Variants in IL17D observed in about 807,000 individuals in gnomAD.
The protein encoded by IL17D is interleukin 17D.
In IL17D, 10 loss-of-function variants were observed where a neutral mutation model predicts 5.7. The ratio of observed to expected loss-of-function variants is 1.75; its 90% confidence interval spans 1.08 to 2.97. The LOEUF is 2.97. Ranked by LOEUF, IL17D falls within the 30% of genes most tolerant of loss-of-function variation. The pLI, the probability that IL17D is intolerant of heterozygous loss-of-function variation, is 0.00. For synonymous variants in IL17D, 172 were observed against 141.7 expected, an observed-to-expected ratio of 1.21 and a Z score of -1.52; for missense variants, 354 against 292.7, an observed-to-expected ratio of 1.21 and a Z score of -1.53.
intron 1 of IL17D, among the ~76,000 whole-genome samples, chr13:20,717,843 G>A (rs2058689614): frequency 6.6e-6 from 1 of 152,110 alleles, no homozygotes; most frequent in Admixed American, 6.5e-5. Flanking sequence ...GCAGGGCTGC[G>A]CTGTATATTT....
chr13:20,703,101 C>T (rs1457339726), upstream of IL17D: 4 of 174,156 alleles, frequency 2.3e-5, no homozygotes, highest in Non-Finnish European at 3.4e-5. Flanking sequence ...CAGTCGGGCC[C>T]GCACCCGCGC....
intron 1 of IL17D, among the ~76,000 whole-genome samples, chr13:20,707,022 G>A (rs1000568853): frequency 2.6e-5 from 4 of 152,130 alleles, no homozygotes; most frequent in African/African-American, 9.7e-5. Context: ...CTGAAGGAAG[G>A]ACAGTCTTCA....
intron 1 of IL17D, among the ~76,000 whole-genome samples, chr13:20,707,101 G>C (rs893393197): frequency 4.6e-5 from 7 of 152,112 alleles, no homozygotes; most frequent in African/African-American, 1.7e-4. Flanking sequence ...TTCCTGCCAG[G>C]AGAGCCCTCT....
chr13:20,721,558 G>T (rs1357049316), intron 1 of IL17D, 78 bp from the exon 2 acceptor site: 2 of 1,284,990 alleles, frequency 1.6e-6, no homozygotes, highest in African/African-American at 1.5e-5. Context: ...GCCCTCCCCG[G>T]TGACTCTAAC....
At chr13:20,718,486 GC>G (rs1230620200) in intron 1 of IL17D, among the ~76,000 whole-genome samples, 1 of 103,264 alleles carries the variant, frequency 9.7e-6, no homozygotes, top group African/African-American at 3.8e-5. Flanking sequence ...GCTCACACCT[GC>G]CCCCACACAC....
At chr13:20,717,674 G>A (rs1009611391) in intron 1 of IL17D, among the ~76,000 whole-genome samples, 6 of 152,148 alleles carry the variant, frequency 3.9e-5, no homozygotes, top group African/African-American at 1.4e-4. Flanking sequence ...CCCCCTTAGC[G>A]GCACCTTCCC....
chr13:20,703,286 A>G (rs2058558748), upstream of IL17D: 1 of 986,230 alleles, frequency 1.0e-6, no homozygotes, highest in Non-Finnish European at 1.2e-6. Context: ...GCGAATCTGA[A>G]AGCGCTTTCG....
At chr13:20,714,824 C>T (rs1214970599) in intron 1 of IL17D, among the ~76,000 whole-genome samples, 2 of 152,288 alleles carry the variant, frequency 1.3e-5, no homozygotes, top group East Asian at 1.9e-4. Flanking sequence ...CTTGGCAGCA[C>T]ATATTGAAGA....
intron 1 of IL17D, among the ~76,000 whole-genome samples, chr13:20,720,333 A>G (rs1296628608): frequency 6.6e-6 from 1 of 151,336 alleles, no homozygotes; most frequent in Non-Finnish European, 1.5e-5. Context: ...TCTTCCCCCC[A>G]ATAGTCTGAG....
At chr13:20,719,180 C>T (rs2058712267) in intron 1 of IL17D, among the ~76,000 whole-genome samples, 1 of 149,210 alleles carries the variant, frequency 6.7e-6, no homozygotes, top group Non-Finnish European at 1.5e-5. Context: ...GCACGCCTGC[C>T]TACACTCACA....
rs1038092265 is a variant in IL17D, at chr13:20,722,016, C to T, written c.*62C>T. On this transcript the variant is annotated 3_prime_UTR_variant, in exon 2 of 2. Transcript: ENST00000682841. The stretch of plus-strand genomic sequence containing the variant: ...TCCCGAGGCGCCCAAGCTGGAGCCG[C>T]CTGGAGGGCTCGGTCGGCGACCTCT... 4.3e-6 allele frequency: 6 copies of T among 1,396,572 alleles called. No homozygotes were observed. In the African/African-American group the frequency reaches 5.8e-5, roughly 13 times the overall value. 86.5% of individuals were successfully genotyped at this position (1,396,572 alleles called of 1,614,324 possible).
intron 1 of IL17D, among the ~76,000 whole-genome samples, chr13:20,705,609 A>G (rs1463356624): frequency 2.6e-5 from 4 of 152,130 alleles, no homozygotes; most frequent in African/African-American, 9.7e-5. Flanking sequence ...AAGTGGGAGG[A>G]TAGATTGAGC....
chr13:20,707,836 C>G (rs533669873), intron 1 of IL17D, among the ~76,000 whole-genome samples: 1 of 152,180 alleles, frequency 6.6e-6, no homozygotes. Flanking sequence ...GGGCTTGTTC[C>G]TTGGTGGAGT....
intron 1 of IL17D, among the ~76,000 whole-genome samples, chr13:20,708,627 G>C (rs1376688313): frequency 6.6e-6 from 1 of 151,718 alleles, no homozygotes; most frequent in Non-Finnish European, 1.5e-5. Flanking sequence ...AAAAATACAA[G>C]GGCAAACTGG....
At chr13:20,704,604 A>AC (rs2058576446) in intron 1 of IL17D, among the ~76,000 whole-genome samples, 1 of 150,756 alleles carries the variant, frequency 6.6e-6, no homozygotes, top group African/African-American at 2.4e-5. Flanking sequence ...GCGAAGGCCC[A>AC]CCCCCACCAC....
chr13:20,715,153 A>G (rs1413238585), intron 1 of IL17D, among the ~76,000 whole-genome samples: 1 of 152,174 alleles, frequency 6.6e-6, no homozygotes, highest in Non-Finnish European at 1.5e-5. Context: ...TCTCTTAAAC[A>G]TAGAGACCAA....
intron 1 of IL17D, among the ~76,000 whole-genome samples, chr13:20,708,218 A>C (rs2058605444): frequency 6.6e-6 from 1 of 152,230 alleles, no homozygotes; most frequent in Non-Finnish European, 1.5e-5. Context: ...CTAAAGGCAC[A>C]GCAGTCAGAG....
intron 1 of IL17D, among the ~76,000 whole-genome samples, chr13:20,711,217 T>C (rs1004008939): frequency 6.6e-6 from 1 of 151,306 alleles, no homozygotes; most frequent in African/African-American, 2.4e-5. Flanking sequence ...TGAGCTGAGA[T>C]CATGCCATTG....
At chr13:20,711,744 A>C (rs779641270) in intron 1 of IL17D, among the ~76,000 whole-genome samples, 3 of 152,238 alleles carry the variant, frequency 2.0e-5, no homozygotes, top group Non-Finnish European at 4.4e-5. Context: ...TCAGCAGATG[A>C]CATTGGGGAA....
Sources: gnomAD v4.1 joint callset for allele counts (sites outside exome capture counted in the v4.1 genomes callset) on GRCh38, gnomAD v4.1.1 for gene constraint, MANE v1.5 for transcripts, NCBI Gene and HGNC (gene_info 2026-07-23, HGNC 2026-07-21) for gene names.